RBFOX1: variants seen among roughly 807,000 people sequenced by gnomAD.
RBFOX1 encodes the protein RNA binding fox-1 homolog 1.
In RBFOX1, 8 loss-of-function variants were observed where a neutral mutation model predicts 57.7. That is an observed-to-expected ratio of 0.14 (90% CI 0.08 to 0.25). RBFOX1 has a LOEUF of 0.25. Ranked by LOEUF, RBFOX1 falls within the 10% of genes least tolerant of loss-of-function variation. The pLI is 1.00. For synonymous variants in RBFOX1, 326 were observed against 222.4 expected, an observed-to-expected ratio of 1.47 and a Z score of -4.15; for missense variants, 611 against 548.5, an observed-to-expected ratio of 1.11 and a Z score of -1.14.
chr16:6,708,298 ACACACACT>A lies in RBFOX1; in HGVS notation c.-16+53654_-16+53661del, dbSNP rs1182841609. Among the ~76,000 whole-genome samples the A allele has an allele frequency of 2.1e-5, 3 of 143,192 alleles. No individual in the cohort carries two copies. In the East Asian group the frequency reaches 6.3e-4, roughly 30 times the overall value. The allele number at this position is 143,192 out of a possible 152,430, so 93.9% of individuals were successfully genotyped here. On this transcript the variant is annotated intron_variant, in intron 3 of 15. Coordinates refer to ENST00000550418, the MANE Select transcript of RBFOX1 (RefSeq NM_018723.4). ...CCAAAGCATTTTTGAACACACACAC[ACACACACT>A]CACACTCATTCACAAAAATCACTGT...
chr16:6,144,432 G>C (rs2096742299), intron 1 of RBFOX1, among the ~76,000 whole-genome samples: 1 of 152,114 alleles, frequency 6.6e-6, no homozygotes, highest in African/African-American at 2.4e-5. Flanking sequence ...CCTATTAAAA[G>C]CATAATGAAA....
At chr16:6,348,364 A>T (rs572452995) in intron 2 of RBFOX1, among the ~76,000 whole-genome samples, 77 of 152,340 alleles carry the variant, frequency 5.1e-4, no homozygotes, top group Non-Finnish European at 7.2e-4. Flanking sequence ...GAGATACTTC[A>T]GTAGAAAGCA....
intron 3 of RBFOX1, among the ~76,000 whole-genome samples, chr16:6,813,600 C>A (rs1255881127): frequency 6.6e-6 from 1 of 152,170 alleles, no homozygotes; most frequent in East Asian, 1.9e-4. Flanking sequence ...ACCTCTCTCT[C>A]CACAGGTGGC....
At chr16:6,957,871 A>C (rs562076342) in intron 3 of RBFOX1, among the ~76,000 whole-genome samples, 26 of 152,142 alleles carry the variant, frequency 1.7e-4, no homozygotes, top group Non-Finnish European at 3.4e-4. Context: ...ACAGTTGCAG[A>C]TTAGTCAGAG....
chr16:5,495,351 G>A (rs2042968222), intron 2 of RBFOX1, among the ~76,000 whole-genome samples: 2 of 152,200 alleles, frequency 1.3e-5, no homozygotes, highest in Non-Finnish European at 2.9e-5. Flanking sequence ...AGACTGAGGG[G>A]GAACGTGTTG....
At chr16:5,424,547 G>A (rs910645763) in intron 1 of RBFOX1, among the ~76,000 whole-genome samples, 8 of 147,150 alleles carry the variant, frequency 5.4e-5, no homozygotes, top group East Asian at 3.9e-4. Context: ...TTTTTTTAGC[G>A]TTTATTTTAT....
intron 4 of RBFOX1, among the ~76,000 whole-genome samples, chr16:7,355,427 C>G (rs2097197706): frequency 6.6e-6 from 1 of 152,184 alleles, no homozygotes; most frequent in Admixed American, 6.5e-5. Flanking sequence ...ACCTCCCACC[C>G]AGAGACAATA....
chr16:6,502,924 A>G (rs983849431), intron 2 of RBFOX1, among the ~76,000 whole-genome samples: 1 of 152,212 alleles, frequency 6.6e-6, no homozygotes, highest in African/African-American at 2.4e-5. Context: ...TTATGTAGCC[A>G]CTTAAAGGAT....
intron 4 of RBFOX1, among the ~76,000 whole-genome samples, chr16:5,922,332 G>C (rs1186193985): frequency 2.0e-5 from 3 of 152,298 alleles, no homozygotes; most frequent in Non-Finnish European, 2.9e-5. Context: ...GAGATGTAAA[G>C]GGGACAAACA....
chr16:6,135,019 C>T (rs1473462767), intron 1 of RBFOX1, among the ~76,000 whole-genome samples: 3 of 152,050 alleles, frequency 2.0e-5, no homozygotes, highest in South Asian at 2.1e-4. Context: ...CTACAGGCCC[C>T]GGTGTATGAT....
rs551880818 is a variant in RBFOX1, at chr16:5,854,350, G to A, written c.319-12953G>A. On this transcript the variant is annotated intron_variant, in intron 3 of 19. Coordinates refer to the RBFOX1 transcript ENST00000641259. ...CATCTCCCTATTTCTTCTCACCTCCGGTGCCTGGCAACCATCATTCTAGTC... is the reference window on the plus strand; with the variant it reads ...CATCTCCCTATTTCTTCTCACCTCCAGTGCCTGGCAACCATCATTCTAGTC... 8.0e-4 allele frequency among the ~76,000 whole-genome samples: 122 copies of A among 152,232 alleles called. 2 individuals carry two copies. The highest frequency in any genetic ancestry group is 2.8e-3 in the African/African-American group (118 of 41,550).
intron 11 of RBFOX1, among the ~76,000 whole-genome samples, chr16:7,631,920 G>A (rs372752101): frequency 2.0e-5 from 3 of 152,230 alleles, no homozygotes; most frequent in East Asian, 1.9e-4. Context: ...CTCACAGTTA[G>A]AGGTTTTGAG....
intron 3 of RBFOX1, among the ~76,000 whole-genome samples, chr16:6,909,547 C>G (rs2071011960): frequency 6.6e-6 from 1 of 152,212 alleles, no homozygotes. Flanking sequence ...GGCTTTATCT[C>G]CAGCAAACAT....
chr16:6,504,780 G>T (rs1262235695), intron 2 of RBFOX1, among the ~76,000 whole-genome samples: 2 of 152,144 alleles, frequency 1.3e-5, no homozygotes, highest in African/African-American at 4.8e-5. Flanking sequence ...GTCTGGCCAG[G>T]TGCAGTGGCT....
At chr16:5,342,274 C>T (rs998031681) in intron 1 of RBFOX1, among the ~76,000 whole-genome samples, 7 of 152,130 alleles carry the variant, frequency 4.6e-5, no homozygotes, top group Admixed American at 6.5e-5. Flanking sequence ...ACTGAGCAAC[C>T]CTGGCTTTAG....
intron 2 of RBFOX1, among the ~76,000 whole-genome samples, chr16:6,435,431 G>T (rs530582122): frequency 6.6e-6 from 1 of 152,172 alleles, no homozygotes; most frequent in South Asian, 2.1e-4. Flanking sequence ...CTCCCGAGTA[G>T]CTGGGACTAT....
intron 4 of RBFOX1, among the ~76,000 whole-genome samples, chr16:7,472,203 T>A (rs920196359): frequency 6.6e-6 from 1 of 152,220 alleles, no homozygotes; most frequent in East Asian, 1.9e-4. Context: ...TAGAAAGATA[T>A]AGACATAGAC....
At chr16:5,877,118 A>G (rs1406976872) in intron 4 of RBFOX1, among the ~76,000 whole-genome samples, 2 of 152,214 alleles carry the variant, frequency 1.3e-5, no homozygotes, top group African/African-American at 2.4e-5. Context: ...AGAATTACTG[A>G]TTATATCCAG....
At chr16:7,552,661 G>A (rs1460719499) in intron 5 of RBFOX1, among the ~76,000 whole-genome samples, 1 of 152,048 alleles carries the variant, frequency 6.6e-6, no homozygotes, top group Non-Finnish European at 1.5e-5. Flanking sequence ...TCTTTGTTGT[G>A]AACGACTAAT....
Sources: allele counts gnomAD v4.1 joint callset (sites outside exome capture counted in the v4.1 genomes callset), GRCh38; gene constraint gnomAD v4.1.1; transcripts MANE v1.5; gene names NCBI Gene and HGNC (gene_info 2026-07-23, HGNC 2026-07-21).